Variants in ZNF346 observed in about 807,000 individuals in gnomAD.
ZNF346 encodes the protein double-stranded RNA-binding zinc finger protein JAZ.
In ZNF346, 23 loss-of-function variants were observed where a neutral mutation model predicts 33.7. The observed-to-expected ratio is 0.68, with a 90% CI of 0.49 to 0.97. ZNF346 has a LOEUF of 0.97. Ranked by LOEUF, ZNF346 falls within the 50% of genes least tolerant of loss-of-function variation. The pLI is 0.00. For synonymous variants in ZNF346, 134 were observed against 142.4 expected, an observed-to-expected ratio of 0.94 and a Z score of 0.42; for missense variants, 340 against 371.1, an observed-to-expected ratio of 0.92 and a Z score of 0.69.
intron 8 of ZNF346, among the ~76,000 whole-genome samples, chr5:177,074,479 C>G (rs188916121): frequency 3.6e-4 from 55 of 152,234 alleles, no homozygotes; most frequent in African/African-American, 1.2e-3. Flanking sequence ...CAGGATCAAG[C>G]TGTTTCTGGA....
At chr5:177,031,871 T>G (rs1777744945) in intron 1 of ZNF346, among the ~76,000 whole-genome samples, 1 of 152,150 alleles carries the variant, frequency 6.6e-6, no homozygotes, top group Non-Finnish European at 1.5e-5. Context: ...ATTTTGAACT[T>G]GCTGTTGAGC....
rs1183560162 is a variant in ZNF346, at chr5:177,066,638, C to T, written c.*2039C>T. 6.6e-6 allele frequency among the ~76,000 whole-genome samples: 1 copy of T among 151,582 alleles called. No homozygotes were observed. The highest frequency in any genetic ancestry group is 1.5e-5 in the Non-Finnish European group (1 of 67,976). ...GTCCCAGCTGCTCAGGAGGCTAAGG[C>T]AGAAAGACCATTCAAGCCCAGGAGT... On this transcript the variant is annotated 3_prime_UTR_variant, in exon 7 of 7. Coordinates refer to ENST00000358149, the MANE Select transcript of ZNF346 (RefSeq NM_012279.4).
intron 1 of ZNF346, among the ~76,000 whole-genome samples, chr5:177,032,142 A>G (rs569614542): frequency 6.7e-6 from 1 of 148,336 alleles, no homozygotes; most frequent in African/African-American, 2.5e-5. Flanking sequence ...AACTGGGATT[A>G]TAGGTATGCG....
rs1783284846 is a variant in ZNF346, at chr5:177,067,591, G to T, written c.*2992G>T. Among the ~76,000 whole-genome samples the T allele has an allele frequency of 6.6e-6, 1 of 152,198 alleles. No individual in the cohort carries two copies. Among genetic ancestry groups the T allele is most frequent in the East Asian group, 1.9e-4 (1 of 5,202 alleles). ...CTCCGGCCTGCAAGACCACTTTGTA[G>T]TCCCTACCAGCTGTGTGGCCAGCCC... On this transcript the variant is annotated 3_prime_UTR_variant, in exon 7 of 7. Transcript: ENST00000358149.
chr5:177,047,152 G>A (rs909814832), intron 4 of ZNF346, among the ~76,000 whole-genome samples: 2 of 151,354 alleles, frequency 1.3e-5, no homozygotes, highest in African/African-American at 2.4e-5. Context: ...GGGTTCAAGC[G>A]ATTCTTCTGC....
intron 4 of ZNF346, among the ~76,000 whole-genome samples, chr5:177,044,895 C>T (rs1220545751): frequency 2.0e-5 from 3 of 152,214 alleles, no homozygotes; most frequent in Non-Finnish European, 2.9e-5. Flanking sequence ...CTTATTACTG[C>T]ATGTTCCAAG....
At chr5:177,072,780 C>T (rs1390124169), downstream of ZNF346, among the ~76,000 whole-genome samples, 3 of 149,792 alleles carry the variant, frequency 2.0e-5, no homozygotes, top group African/African-American at 4.9e-5. Context: ...ACCCGTGAGG[C>T]GGAGGTTGCA....
intron 3 of ZNF346, among the ~76,000 whole-genome samples, chr5:177,042,784 G>A (rs1163606741): frequency 6.6e-6 from 1 of 152,018 alleles, no homozygotes; most frequent in East Asian, 1.9e-4. Context: ...AGGCTGGAGT[G>A]CAGTGGTGCA....
intron 4 of ZNF346, among the ~76,000 whole-genome samples, chr5:177,047,340 G>GTTTT (rs113091804): frequency 7.3e-6 from 1 of 137,362 alleles, no homozygotes; most frequent in African/African-American, 2.7e-5. Context: ...TTTGTTTTTT[G>GTTTT]TTTTTTTTTT....
rs251848 is a variant in ZNF346 at position 177,065,556 on chromosome 5, G to A, written c.*957G>A. The A allele has an allele frequency of 0.57, 87,507 of 152,440 alleles. 26,896 individuals carry two copies. Among genetic ancestry groups the A allele is most frequent in the African/African-American group, 0.81 (33,606 of 41,484 alleles). The allele number at this position is 152,440 out of a possible 1,614,324, so 9.4% of individuals were successfully genotyped here. A position where few individuals can be genotyped will look rare whatever the true frequency, so the allele number is the denominator to read the frequency against. ...GTGCTAGCCTTCCCCATCATCCACC[G>A]GGTGATTTCTGGGTCCCAGGGAAAG... On this transcript the variant is annotated 3_prime_UTR_variant, in exon 7 of 7. Coordinates refer to ENST00000358149, the MANE Select transcript of ZNF346 (RefSeq NM_012279.4).
At chr5:177,023,403 C>T (rs1776185198) in intron 1 of ZNF346, among the ~76,000 whole-genome samples, 1 of 152,168 alleles carries the variant, frequency 6.6e-6, no homozygotes, top group Non-Finnish European at 1.5e-5. Flanking sequence ...TGACTGAGCC[C>T]TGGCTTACCC....
At chr5:177,035,934 C>T (rs921657998) in intron 1 of ZNF346, among the ~76,000 whole-genome samples, 4 of 151,574 alleles carry the variant, frequency 2.6e-5, no homozygotes, top group South Asian at 2.1e-4. Flanking sequence ...CTACCGCACC[C>T]GGCCTAATTG....
chr5:177,062,488 A>T (rs1782671845), intron 6 of ZNF346, among the ~76,000 whole-genome samples: 2 of 152,144 alleles, frequency 1.3e-5, no homozygotes, highest in Admixed American at 6.6e-5. Context: ...CTTTTCTGGC[A>T]GGAGTTCCCT....
In ZNF346 at chr5:177,044,455, G is replaced by A. The variant is rs769898465; in HGVS notation, c.439G>A (p.Val147Ile). 3 of 1,613,982 alleles carry A rather than the reference G, an allele frequency of 1.9e-6. No homozygotes were observed. The highest frequency in any genetic ancestry group is 2.7e-5 in the African/African-American group (2 of 74,898). Residue 147 changes from valine to isoleucine, a missense_variant, in exon 4 of 7, where the codon GTC (valine) becomes ATC (isoleucine). Val to Ile is a conservative substitution (Grantham distance 29). Coordinates refer to ENST00000358149, the MANE Select transcript of ZNF346 (RefSeq NM_012279.4). ...PICNMTFSSP[V>I]VAQSHYLGKT... is the part of the protein sequence containing the mutation. ...CTGTAACATGACCTTTTCCTCCCCT[G>A]TCGTGGCCCAGTCGCACTACCTGGG...
intron 4 of ZNF346, among the ~76,000 whole-genome samples, chr5:177,046,300 CAA>C (rs34466141): frequency 3.0e-3 from 302 of 102,098 alleles, no homozygotes; most frequent in East Asian, 5.2e-3. Flanking sequence ...GACCTCGTCT[CAA>C]AAAAAAAAAA....
chr5:177,028,662 A>C (rs1460882570), intron 1 of ZNF346, among the ~76,000 whole-genome samples: 1 of 147,838 alleles, frequency 6.8e-6, no homozygotes, highest in African/African-American at 2.5e-5. Flanking sequence ...CTCCAGAGCA[A>C]GAAAGGTGAA....
chr5:177,041,544 A>G (rs1291163818), intron 2 of ZNF346, among the ~76,000 whole-genome samples: 1 of 152,164 alleles, frequency 6.6e-6, no homozygotes, highest in Non-Finnish European at 1.5e-5. Context: ...TCATTTTTAG[A>G]TGTAGTTTCC....
rs980494230 is a variant in ZNF346 at position 177,063,621 on chromosome 5, A to G, written c.798-891A>G. Among the ~76,000 whole-genome samples the G allele has an allele frequency of 4.6e-5, 7 of 152,286 alleles. No homozygotes were observed. The East Asian group carries it at 1.2e-3, about 25-fold the overall frequency. On this transcript the variant is annotated intron_variant, in intron 6 of 6. Coordinates refer to ENST00000358149, the MANE Select transcript of ZNF346 (RefSeq NM_012279.4). ...GGGGCTACCCACACCTGAAATTGCC[A>G]GTGTTGTTCGCTGCTCTCTTGCTAA... is the stretch of plus-strand genomic sequence containing the variant.
chr5:177,050,635 C>G (rs1386122402), intron 4 of ZNF346, 116 bp from the exon 5 acceptor site: 32 of 1,104,920 alleles, frequency 2.9e-5, no homozygotes, highest in Non-Finnish European at 3.8e-5. Flanking sequence ...CCTTTCTATT[C>G]AGCATACTCA....
Sources: gnomAD v4.1 joint callset for allele counts (sites outside exome capture counted in the v4.1 genomes callset) on GRCh38, gnomAD v4.1.1 for gene constraint, MANE v1.5 for transcripts, NCBI Gene and HGNC (gene_info 2026-07-23, HGNC 2026-07-21) for gene names.